MPDZ: variants seen among roughly 807,000 people sequenced by gnomAD.
MPDZ encodes the protein multiple PDZ domain protein.
Under a neutral mutation model 239.1 loss-of-function variants are expected in MPDZ, and 234 were observed. The ratio of observed to expected loss-of-function variants is 0.98; its 90% CI spans 0.88 to 1.09. MPDZ has a LOEUF of 1.09. Ranked by LOEUF, MPDZ falls within the 50% of genes least tolerant of loss-of-function variation. MPDZ has a pLI of 0.00. For missense variants in MPDZ, 3,175 were observed against 2,510.0 expected (o/e 1.26, Z -5.66); for synonymous variants, 1,048 against 881.3 (o/e 1.19, Z -3.35).
At chr9:13,240,264 G>C (rs1247662798) in intron 3 of MPDZ, among the ~76,000 whole-genome samples, 2 of 151,888 alleles carry the variant, frequency 1.3e-5, no homozygotes, top group Non-Finnish European at 2.9e-5. Flanking sequence ...GACACATGAA[G>C]ACTGATAATA....
intron 18 of MPDZ, among the ~76,000 whole-genome samples, chr9:13,185,786 T>C (rs1954011253): frequency 6.6e-6 from 1 of 152,158 alleles, no homozygotes; most frequent in South Asian, 2.1e-4. Flanking sequence ...CTTACATATA[T>C]GTATTTATAG....
intron 19 of MPDZ, among the ~76,000 whole-genome samples, chr9:13,181,189 CCTT>C (rs1485643110): frequency 6.6e-6 from 1 of 152,168 alleles, no homozygotes; most frequent in Non-Finnish European, 1.5e-5. Context: ...CTATTTTAAT[CCTT>C]CTTTCAAATC....
intron 1 of MPDZ, among the ~76,000 whole-genome samples, chr9:13,264,348 A>C (rs919288617): frequency 2.6e-5 from 4 of 152,152 alleles, no homozygotes; most frequent in African/African-American, 4.8e-5. Context: ...CCACTTCCAG[A>C]ATTATATATA....
At chr9:13,122,319 G>A in intron 36 of MPDZ, 149 bp from the exon 37 acceptor site, 1 of 687,076 alleles carries the variant, frequency 1.5e-6, no homozygotes, top group Non-Finnish European at 2.4e-6. Flanking sequence ...TAATTCAAGG[G>A]AAAGTGTAAC....
At chr9:13,241,780 T>G (rs1318706317) in intron 3 of MPDZ, among the ~76,000 whole-genome samples, 5 of 152,224 alleles carry the variant, frequency 3.3e-5, no homozygotes, top group Admixed American at 3.3e-4. Flanking sequence ...CTGTTGCTAC[T>G]TAAAAGCAAC....
chr9:13,269,801 A>G (rs1972556007), intron 1 of MPDZ, among the ~76,000 whole-genome samples: 1 of 152,242 alleles, frequency 6.6e-6, no homozygotes, highest in African/African-American at 2.4e-5. Context: ...AAGAAAATTC[A>G]GCAAGAAATG....
chr9:13,267,035 C>A (rs1030234934), intron 1 of MPDZ, among the ~76,000 whole-genome samples: 15 of 152,178 alleles, frequency 9.9e-5, no homozygotes, highest in African/African-American at 3.1e-4. Flanking sequence ...AATATATATT[C>A]ATCACTGGAA....
At chr9:13,272,991 A>C (rs1973354222) in intron 1 of MPDZ, among the ~76,000 whole-genome samples, 1 of 152,262 alleles carries the variant, frequency 6.6e-6, no homozygotes, top group East Asian at 1.9e-4. Flanking sequence ...AGGCAATTAG[A>C]TCACAAGGGC....
chr9:13,179,783 T>C (rs1953033526), intron 19 of MPDZ, among the ~76,000 whole-genome samples: 1 of 152,162 alleles, frequency 6.6e-6, no homozygotes, highest in Admixed American at 6.5e-5. Context: ...TTCTATTTCT[T>C]AAGCGCAATG....
At chr9:13,122,289 T>A in intron 36 of MPDZ, 119 bp from the exon 37 acceptor site, 2 of 868,382 alleles carry the variant, frequency 2.3e-6, no homozygotes, top group Non-Finnish European at 3.6e-6. Context: ...AAACTCTGGC[T>A]CTACAGTACA....
intron 22 of MPDZ, among the ~76,000 whole-genome samples, chr9:13,167,413 G>A (rs568791503): frequency 6.6e-6 from 1 of 151,908 alleles, no homozygotes; most frequent in Non-Finnish European, 1.5e-5. Flanking sequence ...TGCTCCAAAT[G>A]GTATATACTT....
Position 13,168,564 on chromosome 9 carries a change from C to T in MPDZ, c.3056G>A (p.Gly1019Glu), listed in dbSNP as rs1451795129. 7.1e-6 allele frequency: 11 copies of T among 1,558,302 alleles called. No individual in the cohort carries two copies. Among genetic ancestry groups the T allele is most frequent in the Non-Finnish European group, 9.5e-6 (11 of 1,159,062 alleles). Residue 1019 changes from glycine (G) to glutamate (E), a missense_variant and splice_region_variant, in exon 22 of 47, where the codon GGA becomes GAA. Gly to Glu is a moderately conservative substitution (Grantham distance 98, BLOSUM62 -2). Transcript: ENST00000319217. ...INIAKGNSSL[G>E]MTVSANKDGL... ...ATCTTTATTAGCACTAACTGTCATTCCTACAGGAAAAGAGAAATGCAAATA... is the reference window on the plus strand; with the variant it reads ...ATCTTTATTAGCACTAACTGTCATTTCTACAGGAAAAGAGAAATGCAAATA...
chr9:13,267,171 A>C (rs1191588010), intron 1 of MPDZ, among the ~76,000 whole-genome samples: 1 of 152,194 alleles, frequency 6.6e-6, no homozygotes. Flanking sequence ...CTGCTATCGC[A>C]TGTTATAATA....
At chr9:13,165,719 A>G (rs1455446977) in intron 22 of MPDZ, among the ~76,000 whole-genome samples, 1 of 152,178 alleles carries the variant, frequency 6.6e-6, no homozygotes, top group Non-Finnish European at 1.5e-5. Flanking sequence ...CTCAGTAATT[A>G]TCTGGCAGAT....
intron 35 of MPDZ, among the ~76,000 whole-genome samples, chr9:13,124,544 T>C (rs1944840188): frequency 6.6e-6 from 1 of 152,246 alleles, no homozygotes; most frequent in Non-Finnish European, 1.5e-5. Flanking sequence ...CACCAGTGTA[T>C]TCTTTCTCAA....
intron 6 of MPDZ, among the ~76,000 whole-genome samples, 180 bp downstream of exon 6, chr9:13,222,053 T>G (rs1418718940): frequency 6.6e-6 from 1 of 152,104 alleles, no homozygotes; most frequent in Non-Finnish European, 1.5e-5. Flanking sequence ...AATTGTTGTT[T>G]TAGAACTTAG....
chr9:13,132,210 G>A (rs1032912260), intron 32 of MPDZ, among the ~76,000 whole-genome samples: 6 of 152,176 alleles, frequency 3.9e-5, no homozygotes, highest in Admixed American at 2.6e-4. Context: ...GCAGAAACCA[G>A]CTTTTATATT....
At chr9:13,182,213 A>G (rs1261208698) in intron 19 of MPDZ, among the ~76,000 whole-genome samples, 1 of 152,142 alleles carries the variant, frequency 6.6e-6, no homozygotes, top group Non-Finnish European at 1.5e-5. Context: ...CATATTTCGT[A>G]TATTAAAAAA....
At chr9:13,242,918 G>A (rs1312549541) in intron 3 of MPDZ, among the ~76,000 whole-genome samples, 8 of 152,136 alleles carry the variant, frequency 5.3e-5, no homozygotes, top group South Asian at 2.1e-4. Context: ...TTCCAGTCAC[G>A]ACAGTAAGAA....
Sources: allele counts gnomAD v4.1 joint callset (sites outside exome capture counted in the v4.1 genomes callset), GRCh38; gene constraint gnomAD v4.1.1; transcripts MANE v1.5; gene names NCBI Gene and HGNC (gene_info 2026-07-23, HGNC 2026-07-21).